Variants in CSN3 observed in about 807,000 individuals in gnomAD.
CSN3 encodes casein kappa, also known as kappa-casein.
In CSN3, 7 loss-of-function variants were observed where a neutral mutation model predicts 9.9. That is an observed-to-expected ratio of 0.71 (90% confidence interval 0.40 to 1.33). CSN3 has a LOEUF of 1.33. Ranked by LOEUF, CSN3 falls within the 40% of genes most tolerant of loss-of-function variation. The probability of loss-of-function intolerance (pLI) is 0.01; values close to 1 mark genes in which losing one functional copy is unlikely to be tolerated. For missense variants in CSN3, 253 were observed against 227.9 expected (o/e 1.11, Z -0.71); for synonymous variants, 88 against 82.3 (o/e 1.07, Z -0.37).
At chr4:70,240,681 G>A (rs904875572), upstream of CSN3, among the ~76,000 whole-genome samples, 2 of 151,966 alleles carry the variant, frequency 1.3e-5, no homozygotes, top group Non-Finnish European at 2.9e-5. Flanking sequence ...TAGATCAGTA[G>A]ATATGGGAAA....
intron 4 of CSN3, among the ~76,000 whole-genome samples, chr4:70,250,561 A>G (rs1730462899): frequency 6.6e-6 from 1 of 152,192 alleles, no homozygotes; most frequent in South Asian, 2.1e-4. Context: ...AAGATAAAGT[A>G]AAATTCATAC....
intron 1 of CSN3, 61 bp from the exon 2 acceptor site, chr4:70,244,751 C>A (rs1325608302): frequency 1.1e-6 from 1 of 914,528 alleles, no homozygotes; most frequent in Non-Finnish European, 1.5e-6. Flanking sequence ...GTATTCAAGT[C>A]ACTCCTAAAT....
chr4:70,249,071 G>A, exon 4 of CSN3: 1 of 1,613,782 alleles, frequency 6.2e-7, no homozygotes, highest in Non-Finnish European at 8.5e-7. Context: ...GTGCCAAATA[G>A]CTATCCTTAT....
Position 70,244,812 on chromosome 4 carries a change from G to T in CSN3, c.-8G>T. On this transcript the variant is annotated splice_region_variant and 5_prime_UTR_variant, in exon 2 of 5. Transcript: ENST00000304954. ...AATTTTTTTTTAAATTTATCTTTAG[G>T]TGCAATAATGAAGAGTTTTCTTCTA... 1.3e-6 allele frequency: 2 copies of T among 1,515,024 alleles called. No homozygotes were observed. The highest frequency in any genetic ancestry group is 1.4e-5 in the South Asian group (1 of 71,636). The allele number at this position is 1,515,024 out of a possible 1,614,324, so 93.8% of individuals were successfully genotyped here. A position where few individuals can be genotyped will look rare whatever the true frequency, so the allele number is the denominator to read the frequency against.
At chr4:70,250,452 T>C (rs899959999) in intron 4 of CSN3, among the ~76,000 whole-genome samples, 5 of 152,130 alleles carry the variant, frequency 3.3e-5, no homozygotes, top group Admixed American at 1.3e-4. Context: ...TCTGAACTTT[T>C]ATTTTCTCAT....
upstream of CSN3, among the ~76,000 whole-genome samples, chr4:70,241,929 A>G (rs1398758366): frequency 6.6e-6 from 1 of 152,018 alleles, no homozygotes; most frequent in Non-Finnish European, 1.5e-5. Flanking sequence ...TTTTATAAGG[A>G]GGTGCTCTTG....
At chr4:70,239,224 A>G (rs906534070), upstream of CSN3, among the ~76,000 whole-genome samples, 1 of 119,664 alleles carries the variant, frequency 8.4e-6, no homozygotes, top group Non-Finnish European at 2.0e-5. Context: ...TCGAGGGGGA[A>G]AAAAAAAGAA....
intron 3 of CSN3, 128 bp from the exon 4 acceptor site, chr4:70,248,870 C>G (rs1240992160): frequency 1.9e-6 from 1 of 526,254 alleles, no homozygotes; most frequent in East Asian, 3.1e-5. Flanking sequence ...AATATTGCTG[C>G]TGGGTTCCAT....
At chr4:70,243,849 G>A (rs1018042795) in intron 1 of CSN3, among the ~76,000 whole-genome samples, 3 of 151,948 alleles carry the variant, frequency 2.0e-5, no homozygotes, top group Admixed American at 6.6e-5. Context: ...CACTGTAATT[G>A]TCATCTCTAT....
intron 2 of CSN3, 73 bp downstream of exon 2, chr4:70,244,946 C>A: frequency 1.3e-6 from 1 of 772,068 alleles, no homozygotes; most frequent in Middle Eastern, 2.6e-4. Context: ...ACTATGCAAA[C>A]TTCTAAATAC....
At chr4:70,247,735 A>C in intron 2 of CSN3, 83 bp from the exon 3 acceptor site, 1 of 1,189,384 alleles carries the variant, frequency 8.4e-7, no homozygotes, top group Non-Finnish European at 1.2e-6. Context: ...TCTTTAACAC[A>C]AAAGATTTTT....
At chr4:70,243,123 T>G (rs1460618029) in intron 1 of CSN3, 3 of 826,274 alleles carry the variant, frequency 3.6e-6, no homozygotes, top group Admixed American at 1.2e-4. Context: ...GCTGGATAAT[T>G]CTACCATTTC....
At chr4:70,246,018 T>C (rs565732320) in intron 2 of CSN3, among the ~76,000 whole-genome samples, 14 of 152,094 alleles carry the variant, frequency 9.2e-5, no homozygotes, top group African/African-American at 3.1e-4. Context: ...TTTCAAACAT[T>C]CCTTCCCATT....
chr4:70,245,148 CA>C (rs1730354601), intron 2 of CSN3, among the ~76,000 whole-genome samples: 1 of 151,918 alleles, frequency 6.6e-6, no homozygotes, highest in South Asian at 2.1e-4. Context: ...AAAATACATT[CA>C]GGGGAAAAAC....
intron 2 of CSN3, among the ~76,000 whole-genome samples, chr4:70,245,520 G>C (rs1407374767): frequency 6.6e-6 from 1 of 152,010 alleles, no homozygotes; most frequent in African/African-American, 2.4e-5. Context: ...CTTAGAAAAA[G>C]GTTCTGTTTT....
intron 2 of CSN3, among the ~76,000 whole-genome samples, chr4:70,246,178 C>A (rs556458233): frequency 6.6e-6 from 1 of 152,060 alleles, no homozygotes; most frequent in Non-Finnish European, 1.5e-5. Flanking sequence ...TTTATCCCTT[C>A]CCCCAAAATA....
exon 4 of CSN3, chr4:70,249,252 T>C (rs1730437640): frequency 6.2e-7 from 1 of 1,614,072 alleles, no homozygotes. Context: ...CAAACCTGCA[T>C]CCATCATTTA....
At chr4:70,246,840 T>C (rs1304023761) in intron 2 of CSN3, among the ~76,000 whole-genome samples, 1 of 151,864 alleles carries the variant, frequency 6.6e-6, no homozygotes, top group Non-Finnish European at 1.5e-5. Context: ...CCCAGCTAAT[T>C]TTTGTATTTT....
intron 1 of CSN3, among the ~76,000 whole-genome samples, chr4:70,243,793 T>C (rs1730318809): frequency 6.6e-6 from 1 of 152,212 alleles, no homozygotes; most frequent in South Asian, 2.1e-4. Context: ...TATACTCTTT[T>C]AGAAAAATAA....
Sources: allele counts gnomAD v4.1 joint callset (sites outside exome capture counted in the v4.1 genomes callset), GRCh38; gene constraint gnomAD v4.1.1; transcripts MANE v1.5; gene names NCBI Gene and HGNC (gene_info 2026-07-23, HGNC 2026-07-21).